Variants in MEGF6 observed in about 807,000 individuals in gnomAD.
MEGF6 encodes multiple EGF like domains 6, also known as multiple epidermal growth factor-like domains protein 6.
A neutral mutation model predicts 207.1 loss-of-function variants in MEGF6; 184 were observed. The ratio of observed to expected loss-of-function variants is 0.89; its 90% confidence interval spans 0.79 to 1.00. The LOEUF (loss-of-function observed/expected upper bound fraction) is 1.00, where lower values mean the gene tolerates loss of function less well. Ranked by LOEUF, MEGF6 falls within the 50% of genes least tolerant of loss-of-function variation. The pLI is 0.00. For synonymous variants in MEGF6, 1,038 were observed against 910.0 expected (o/e 1.14, Z -2.53); for missense variants, 2,282 against 2,202.9 (o/e 1.04, Z -0.72).
At chr1:3,575,465 G>C (rs1468649515) in intron 4 of MEGF6, among the ~76,000 whole-genome samples, 1 of 152,160 alleles carries the variant, frequency 6.6e-6, no homozygotes, top group Non-Finnish European at 1.5e-5. Flanking sequence ...TGGCAGCTGG[G>C]TGCTCTTGTG....
At chr1:3,566,135 C>T (rs1643337799) in intron 4 of MEGF6, among the ~76,000 whole-genome samples, 1 of 152,238 alleles carries the variant, frequency 6.6e-6, no homozygotes, top group Admixed American at 6.5e-5. Context: ...TCACCTCCTT[C>T]TCCTGCAGTC....
chr1:3,604,703 C>A (rs1270160453), intron 1 of MEGF6, among the ~76,000 whole-genome samples: 1 of 152,126 alleles, frequency 6.6e-6, no homozygotes, highest in Non-Finnish European at 1.5e-5. Context: ...TGACAGTGAC[C>A]CCCTGATCTG....
chr1:3,596,317 G>A (rs1018966051), intron 2 of MEGF6, among the ~76,000 whole-genome samples: 2 of 152,110 alleles, frequency 1.3e-5, no homozygotes, highest in East Asian at 1.9e-4. Context: ...GCCTGAGAAG[G>A]TGCCCACAGC....
chr1:3,514,962 C>T (rs1233425101), intron 6 of MEGF6, among the ~76,000 whole-genome samples: 8 of 152,212 alleles, frequency 5.3e-5, no homozygotes, highest in Non-Finnish European at 1.5e-5. Flanking sequence ...GACACCAAGG[C>T]GGCGGCCCCC....
intron 29 of MEGF6, among the ~76,000 whole-genome samples, chr1:3,496,412 C>G (rs1048323500): frequency 6.6e-6 from 1 of 152,258 alleles, no homozygotes; most frequent in African/African-American, 2.4e-5. Flanking sequence ...CGCAGGTCGC[C>G]GGGCACAGCA....
chr1:3,597,185 C>T (rs1346614065), intron 2 of MEGF6, among the ~76,000 whole-genome samples: 1 of 152,212 alleles, frequency 6.6e-6, no homozygotes, highest in Non-Finnish European at 1.5e-5. Context: ...AGGCCTTGGC[C>T]ACACGGATGC....
rs1442689860 is a variant in MEGF6, at chr1:3,488,741, TTC to T, written c.*1785_*1786del. Among the ~76,000 whole-genome samples, 1 of 152,266 alleles carries T rather than the reference TTC, an allele frequency of 6.6e-6. No individual in the cohort carries two copies. The highest frequency in any genetic ancestry group is 2.4e-5 in the African/African-American group (1 of 41,468). On this transcript the variant is annotated 3_prime_UTR_variant, in exon 37 of 37. Coordinates refer to ENST00000356575, the MANE Select transcript of MEGF6 (RefSeq NM_001409.4). ...TAGTCTGAGGTCAATTTGATTCCCA[TTC>T]TTTTTTCTCTGGGACTTTAGAATTT...
chr1:3,546,555 G>A (rs1015080923), intron 4 of MEGF6, among the ~76,000 whole-genome samples: 1 of 151,796 alleles, frequency 6.6e-6, no homozygotes, highest in African/African-American at 2.4e-5. Flanking sequence ...CAGTGGGCTG[G>A]GAAGGGGGCT....
chr1:3,523,555 C>T (rs1303370317), intron 5 of MEGF6, among the ~76,000 whole-genome samples: 2 of 152,174 alleles, frequency 1.3e-5, no homozygotes, highest in East Asian at 1.9e-4. Flanking sequence ...CCCTACCCTA[C>T]CTGCCACAGC....
intron 4 of MEGF6, among the ~76,000 whole-genome samples, chr1:3,551,144 G>A (rs1214445352): frequency 1.3e-5 from 2 of 152,218 alleles, no homozygotes; most frequent in Non-Finnish European, 2.9e-5. Flanking sequence ...ACAGATGTGA[G>A]GCTGCCAGAC....
rs1435491992 is a variant in MEGF6 at position 3,495,954 on chromosome 1, G to A, written c.3807C>T (p.Ala1269=). 1 of 1,589,034 alleles carries A rather than the reference G, an allele frequency of 6.3e-7. No individual in the cohort carries two copies. The highest frequency in any genetic ancestry group is 1.7e-5 in the Admixed American group (1 of 58,754). ...GGCAGGTGCCGGTCACAGGGTCGCA[G>A]GCCGCCCCCTGCCCACACCCACACA... ...THVCGCGQGA[A]CDPVTGTCLC... is the part of the protein sequence containing the mutation. Residue 1269 remains alanine (A), a synonymous_variant, in exon 30 of 37, where the codon GCC becomes GCT. Coordinates refer to ENST00000356575, the MANE Select transcript of MEGF6 (RefSeq NM_001409.4).
intron 4 of MEGF6, chr1:3,531,107 G>A (rs1186825476): frequency 4.6e-6 from 7 of 1,528,506 alleles, no homozygotes; most frequent in Non-Finnish European, 5.3e-6. Flanking sequence ...GCGCTCACGG[G>A]GTAGCCGGCC....
intron 4 of MEGF6, among the ~76,000 whole-genome samples, chr1:3,528,008 G>A (rs984774769): frequency 1.3e-5 from 2 of 152,258 alleles, no homozygotes; most frequent in Admixed American, 6.5e-5. Context: ...GGGGGCTGTG[G>A]TGGGGGAGAC....
intron 35 of MEGF6, among the ~76,000 whole-genome samples, chr1:3,491,785 G>C (rs1443848679): frequency 6.6e-6 from 1 of 150,426 alleles, no homozygotes; most frequent in African/African-American, 2.4e-5. Context: ...TGGGGGGGGG[G>C]GTGCGGGCAG....
intron 34 of MEGF6, 76 bp from the exon 35 acceptor site, chr1:3,492,843 G>T (rs977231165): frequency 3.0e-5 from 46 of 1,550,586 alleles, no homozygotes; most frequent in Middle Eastern, 2.3e-4. Context: ...CTGGGCCTAG[G>T]GGCCCGCGGC....
chr1:3,590,606 C>G (rs997923913), intron 3 of MEGF6, among the ~76,000 whole-genome samples: 13 of 152,334 alleles, frequency 8.5e-5, no homozygotes, highest in African/African-American at 2.9e-4. Context: ...ACAAACACGG[C>G]AGGGCTCCCA....
At position 3,560,718 on chromosome 1, in the gene MEGF6, A is replaced by G. The variant is rs1209102239; in HGVS notation, c.481+19107T>C. 6.5e-6 allele frequency: 3 copies of G among 461,476 alleles called. No homozygotes were observed. Among genetic ancestry groups the G allele is most frequent in the African/African-American group, 4.0e-5 (2 of 49,406 alleles). 28.6% of individuals were successfully genotyped at this position (461,476 alleles called of 1,614,324 possible). ...GGTTTCCAGGGCAACCCTGGAAACCAAGAGTGGGTCGCCTAGAAACGGTCA... is the reference window on the plus strand; with the variant it reads ...GGTTTCCAGGGCAACCCTGGAAACCGAGAGTGGGTCGCCTAGAAACGGTCA... On this transcript the variant is annotated intron_variant, in intron 4 of 36. Transcript: ENST00000356575. The surrounding 1 kb of genome is among the most constrained non-coding windows in gnomAD (Gnocchi z 4.0).
At chr1:3,619,885 A>G in the MEGF6 span, among the ~76,000 whole-genome samples, 4 of 152,234 alleles carry the variant, frequency 2.6e-5, no homozygotes, top group Non-Finnish European at 5.9e-5. Context: ...GAGGGCTCAG[A>G]AGACAGGAAG....
intron 5 of MEGF6, among the ~76,000 whole-genome samples, chr1:3,517,685 C>T (rs542585629): frequency 6.6e-6 from 1 of 152,330 alleles, no homozygotes; most frequent in Admixed American, 6.5e-5. Flanking sequence ...ACCCAGGCCA[C>T]AGCCAAAGGC....
Sources: gnomAD v4.1 joint callset for allele counts (sites outside exome capture counted in the v4.1 genomes callset) on GRCh38, gnomAD v4.1.1 for gene constraint, Gnocchi (gnomAD v3.1) non-coding constraint, MANE v1.5 for transcripts, NCBI Gene and HGNC (gene_info 2026-07-23, HGNC 2026-07-21) for gene names.